The following GNAL variants were observed in gnomAD, a reference collection of about 807,000 sequenced individuals.
The protein encoded by GNAL is G protein subunit alpha L.
Under a neutral mutation model 55.1 loss-of-function variants are expected in GNAL, and 18 were observed. The observed-to-expected ratio is 0.33, with a 90% confidence interval of 0.23 to 0.48. The LOEUF (loss-of-function observed/expected upper bound fraction) is 0.48, where lower values mean the gene tolerates loss of function less well. GNAL is among the 20% of genes least tolerant of loss of function. GNAL has a pLI of 0.99. For missense variants in GNAL, 412 were observed against 614.1 expected (o/e 0.67, Z 3.48); for synonymous variants, 253 against 237.0 (o/e 1.07, Z -0.62).
intron 1 of GNAL, among the ~76,000 whole-genome samples, chr18:11,744,911 A>T (rs1435750981): frequency 6.6e-6 from 1 of 152,070 alleles, no homozygotes; most frequent in Non-Finnish European, 1.5e-5. Context: ...GGGTTTCGCC[A>T]TGTTGCCCAG....
At position 11,882,234 on chromosome 18, in the gene GNAL, G is replaced by A. The variant is rs999992950; in HGVS notation, c.*1099G>A. On this transcript the variant is annotated 3_prime_UTR_variant, in exon 12 of 12. Coordinates refer to ENST00000334049, the MANE Select transcript of GNAL (RefSeq NM_182978.4). The stretch of plus-strand genomic sequence containing the variant: ...CAAATTGCAATCTAATCTTTTCAGG[G>A]AACCAGGGATTTTTTTCTCTCTCTC... 1.8e-4 allele frequency: 27 copies of A among 152,072 alleles called. No homozygotes were observed. The highest frequency in any genetic ancestry group is 6.5e-4 in the African/African-American group (27 of 41,402). The allele number at this position is 152,072 out of a possible 1,614,324, so 9.4% of individuals were successfully genotyped here.
At chr18:11,697,395 G>T (rs901859387) in intron 1 of GNAL, among the ~76,000 whole-genome samples, 2 of 151,982 alleles carry the variant, frequency 1.3e-5, no homozygotes, top group East Asian at 3.9e-4. Flanking sequence ...AAAATTAGCT[G>T]GTTACCAGCT....
At chr18:11,819,720 A>T (rs73407409) in intron 4 of GNAL, among the ~76,000 whole-genome samples, 3,205 of 152,148 alleles carry the variant, frequency 0.021, 109 homozygotes, top group African/African-American at 0.073. Context: ...CACAAAAAAA[A>T]CCCTGAAATT....
At chr18:11,729,962 A>G (rs2032298033) in intron 1 of GNAL, among the ~76,000 whole-genome samples, 1 of 152,214 alleles carries the variant, frequency 6.6e-6, no homozygotes, top group African/African-American at 2.4e-5. Flanking sequence ...GAGGCTTACA[A>G]GTCATAGGTG....
Position 11,751,332 on chromosome 18 carries a change from C to G in GNAL, c.377-1521C>G, listed in dbSNP as rs2032819824. On this transcript the variant is annotated intron_variant, in intron 1 of 11. Transcript: ENST00000334049. The surrounding 1 kb of genome is among the most constrained non-coding windows in gnomAD (Gnocchi z 4.5). ...TGCCAGTCTCGCGCCCTAGTTCGTT[C>G]CTCTGCTACAACGCCAAGTTCGAGG... 1 of 182,676 alleles carries G rather than the reference C, an allele frequency of 5.5e-6. No individual in the cohort carries two copies. Among genetic ancestry groups the G allele is most frequent in the African/African-American group, 2.4e-5 (1 of 42,002 alleles). 11.3% of individuals were successfully genotyped at this position (182,676 alleles called of 1,614,324 possible).
In GNAL at chr18:11,763,067, AT is replaced by A. The variant is rs556664944; in HGVS notation, c.624+9129del. Among the ~76,000 whole-genome samples, 485 of 152,244 alleles carry A rather than the reference AT, an allele frequency of 3.2e-3. 1 individual carries two copies. Among genetic ancestry groups the A allele is most frequent in the Non-Finnish European group, 4.6e-3 (311 of 68,020 alleles). On this transcript the variant is annotated intron_variant, in intron 4 of 11. Transcript: ENST00000334049. ...AATAAAGATACTTTTCTTAAATTCC[AT>A]TTTTTTCTTTGCAATATTATCATAA...
At chr18:11,764,299 G>A (rs1167322205) in intron 4 of GNAL, among the ~76,000 whole-genome samples, 2 of 151,696 alleles carry the variant, frequency 1.3e-5, no homozygotes, top group Admixed American at 1.3e-4. Context: ...TAGAGACGGG[G>A]TTTCACTATG....
intron 1 of GNAL, among the ~76,000 whole-genome samples, chr18:11,710,518 G>A (rs2031810735): frequency 6.6e-6 from 1 of 151,840 alleles, no homozygotes; most frequent in South Asian, 2.1e-4. Flanking sequence ...ATGCTTTCTT[G>A]TTGCTGTTTA....
Position 11,868,449 on chromosome 18 carries a change from T to A in GNAL, c.911-94T>A, listed in dbSNP as rs918322305. 2 of 1,047,036 alleles carry A rather than the reference T, an allele frequency of 1.9e-6. No individual in the cohort carries two copies. The highest frequency in any genetic ancestry group is 3.0e-5 in the South Asian group (2 of 65,986). The allele number at this position is 1,047,036 out of a possible 1,614,324, so 64.9% of individuals were successfully genotyped here. A position where few individuals can be genotyped will look rare whatever the true frequency, so the allele number is the denominator to read the frequency against. On this transcript the variant is annotated intron_variant, in intron 8 of 11. Coordinates refer to ENST00000334049, the MANE Select transcript of GNAL (RefSeq NM_182978.4). The surrounding 1 kb of genome is among the most constrained non-coding windows in gnomAD (Gnocchi z 4.0). ...ATAGTCCTATCACTGAATGAATGTT[T>A]TTGTGGAACTGAGTAGCTGCTGGGT...
chr18:11,839,053 T>C (rs759313392), intron 5 of GNAL, among the ~76,000 whole-genome samples: 5 of 152,220 alleles, frequency 3.3e-5, no homozygotes, highest in Non-Finnish European at 7.3e-5. Flanking sequence ...AATGAACAAC[T>C]AAATCTAACC....
intron 1 of GNAL, among the ~76,000 whole-genome samples, chr18:11,742,355 A>G (rs1209367602): frequency 6.7e-6 from 1 of 149,456 alleles, no homozygotes; most frequent in African/African-American, 2.4e-5. Flanking sequence ...TGATCGTCAT[A>G]ATTACCACAG....
At chr18:11,754,848 A>G (rs1907203174) in intron 4 of GNAL, among the ~76,000 whole-genome samples, 1 of 152,228 alleles carries the variant, frequency 6.6e-6, no homozygotes, top group Admixed American at 6.5e-5. Context: ...AAAGAGTGAC[A>G]TCAATCTTAG....
intron 4 of GNAL, among the ~76,000 whole-genome samples, chr18:11,805,812 G>A (rs774038284): frequency 6.6e-6 from 1 of 152,164 alleles, no homozygotes; most frequent in Non-Finnish European, 1.5e-5. Flanking sequence ...ATACACATAT[G>A]AGTGTAGGTA....
At chr18:11,779,649 G>A (rs1455844639) in intron 4 of GNAL, among the ~76,000 whole-genome samples, 1 of 152,170 alleles carries the variant, frequency 6.6e-6, no homozygotes, top group African/African-American at 2.4e-5. Flanking sequence ...CAATGGGAAT[G>A]GAAAGATGGG....
chr18:11,771,741 G>A (rs1397362969), intron 4 of GNAL, among the ~76,000 whole-genome samples: 2 of 146,422 alleles, frequency 1.4e-5, no homozygotes, highest in African/African-American at 2.5e-5. Context: ...TTGAGATGGA[G>A]TCGCACTCTG....
chr18:11,832,772 A>G (rs1349218086), intron 5 of GNAL, among the ~76,000 whole-genome samples: 1 of 151,876 alleles, frequency 6.6e-6, no homozygotes, highest in African/African-American at 2.4e-5. Flanking sequence ...AGGCAGGAGA[A>G]TTGCTTGAAC....
chr18:11,707,731 G>A (rs2031746209), intron 1 of GNAL, among the ~76,000 whole-genome samples: 1 of 152,164 alleles, frequency 6.6e-6, no homozygotes, highest in Admixed American at 6.5e-5. Context: ...CCCACAGAAG[G>A]CTGTTCCACC....
intron 11 of GNAL, among the ~76,000 whole-genome samples, chr18:11,879,487 C>G (rs986393599): frequency 1.3e-5 from 2 of 152,198 alleles, no homozygotes; most frequent in African/African-American, 4.8e-5. Context: ...AGTCTGAAAT[C>G]AAGGTGCGGG....
intron 4 of GNAL, among the ~76,000 whole-genome samples, chr18:11,824,072 G>T (rs1613471): frequency 0.68 from 103,916 of 152,038 alleles, 37,542 homozygotes; most frequent in Admixed American, 0.81. Context: ...AACGAAAAAA[G>T]AAATAAATTA....
Sources: gnomAD v4.1 joint callset for allele counts (sites outside exome capture counted in the v4.1 genomes callset) on GRCh38, gnomAD v4.1.1 for gene constraint, Gnocchi (gnomAD v3.1) non-coding constraint, MANE v1.5 for transcripts, NCBI Gene and HGNC (gene_info 2026-07-23, HGNC 2026-07-21) for gene names.